The following GRIK2 variants were observed in gnomAD, a reference collection of about 807,000 sequenced individuals.
GRIK2 encodes glutamate receptor ionotropic, kainate 2.
In GRIK2, 32 loss-of-function variants were observed where a neutral mutation model predicts 100.3. That is an observed-to-expected ratio of 0.32 (90% CI 0.24 to 0.43). GRIK2 has a LOEUF of 0.43. GRIK2 is among the 20% of genes least tolerant of loss of function. The pLI is 1.00. For missense variants in GRIK2, 843 were observed against 1,114.9 expected (o/e 0.76, Z 3.47); for synonymous variants, 417 against 389.4 (o/e 1.07, Z -0.83).
chr6:102,055,282 G>A (rs768102486), intron 15 of GRIK2, 48 bp from the exon 16 acceptor site: 1 of 1,452,792 alleles, frequency 6.9e-7, no homozygotes, highest in East Asian at 2.3e-5. Context: ...CTTTAATTAT[G>A]AAATTTCAGG....
intron 4 of GRIK2, among the ~76,000 whole-genome samples, chr6:101,671,341 C>T (rs2128337982): frequency 6.6e-6 from 1 of 152,076 alleles, no homozygotes; most frequent in African/African-American, 2.4e-5. Flanking sequence ...AGTAAACTAC[C>T]TCTTCACATA....
intron 11 of GRIK2, among the ~76,000 whole-genome samples, chr6:101,883,242 G>GA (rs1001096447): frequency 3.4e-5 from 5 of 148,642 alleles, no homozygotes; most frequent in Non-Finnish European, 7.4e-5. Context: ...GTATTTGGGT[G>GA]AAAAAAAATC....
chr6:102,042,313 A>G (rs1054658568), intron 15 of GRIK2, among the ~76,000 whole-genome samples: 1 of 151,694 alleles, frequency 6.6e-6, no homozygotes, highest in Non-Finnish European at 1.5e-5. Flanking sequence ...CAAGAATTTC[A>G]TTACTCTTTC....
chr6:101,742,046 G>A (rs1776060815), intron 7 of GRIK2, among the ~76,000 whole-genome samples: 1 of 152,226 alleles, frequency 6.6e-6, no homozygotes, highest in South Asian at 2.1e-4. Flanking sequence ...AGTGGTAACA[G>A]CCTCTCTTTA....
intron 7 of GRIK2, among the ~76,000 whole-genome samples, chr6:101,745,388 G>T (rs62419270): frequency 6.6e-6 from 1 of 152,116 alleles, no homozygotes; most frequent in Non-Finnish European, 1.5e-5. Context: ...ATAGAAAACA[G>T]CTGAGCATGA....
intron 4 of GRIK2, among the ~76,000 whole-genome samples, chr6:101,658,669 AC>A (rs1769380683): frequency 6.6e-6 from 1 of 152,148 alleles, no homozygotes; most frequent in East Asian, 1.9e-4. Flanking sequence ...GCTATTTCCC[AC>A]ATCCTCTCCA....
intron 4 of GRIK2, among the ~76,000 whole-genome samples, chr6:101,675,815 A>G (rs936675789): frequency 6.6e-6 from 1 of 152,208 alleles, no homozygotes; most frequent in East Asian, 1.9e-4. Flanking sequence ...ACTAGAAAAC[A>G]ATACAAAAAT....
chr6:101,792,226 A>G (rs1779923643), intron 7 of GRIK2, among the ~76,000 whole-genome samples: 1 of 150,874 alleles, frequency 6.6e-6, no homozygotes, highest in Non-Finnish European at 1.5e-5. Flanking sequence ...TAATATTGTT[A>G]TGTGTGAATT....
chr6:101,703,488 G>A (rs990890910), intron 7 of GRIK2, among the ~76,000 whole-genome samples: 2 of 151,764 alleles, frequency 1.3e-5, no homozygotes, highest in African/African-American at 2.4e-5. Context: ...CATTGTTAGC[G>A]ACCTCAATAC....
intron 4 of GRIK2, among the ~76,000 whole-genome samples, chr6:101,640,638 T>C (rs1473198447): frequency 1.3e-5 from 2 of 152,124 alleles, no homozygotes; most frequent in Non-Finnish European, 1.5e-5. Context: ...CAAGTTGTCG[T>C]TGAATTTCCA....
rs971909871 is a variant in GRIK2, at chr6:101,950,288, C to G, written c.2085+21656C>G. Among the ~76,000 whole-genome samples, 90 of 151,972 alleles carry G rather than the reference C, an allele frequency of 5.9e-4. 1 individual carries two copies. The highest frequency in any genetic ancestry group is 2.1e-3 in the African/African-American group (87 of 41,460). On this transcript the variant is annotated intron_variant, in intron 14 of 16. Transcript: ENST00000369134. ...ATACTCCTTTTCTTGTTTTTTGGAC[C>G]AATTTTTATAGCTTTATGTTTATCT...
At chr6:101,402,151 G>C (rs892575463) in intron 2 of GRIK2, among the ~76,000 whole-genome samples, 2 of 152,002 alleles carry the variant, frequency 1.3e-5, no homozygotes, top group Non-Finnish European at 2.9e-5. Flanking sequence ...CCCTTGCCAC[G>C]TCCCTCGCCT....
intron 2 of GRIK2, among the ~76,000 whole-genome samples, chr6:101,453,899 T>C (rs1440954734): frequency 6.6e-6 from 1 of 152,100 alleles, no homozygotes; most frequent in Non-Finnish European, 1.5e-5. Context: ...ATATAAAACA[T>C]GCTCTTAATT....
intron 15 of GRIK2, among the ~76,000 whole-genome samples, chr6:102,050,250 GGAAAGAAAGGAA>G (rs1287129053): frequency 6.6e-6 from 1 of 150,826 alleles, no homozygotes; most frequent in Non-Finnish European, 1.5e-5. Flanking sequence ...ATGATAGAGA[GGAAAGAAAGGAA>G]GAAGGAAAAA....
intron 12 of GRIK2, among the ~76,000 whole-genome samples, chr6:101,921,634 G>A (rs1789526888): frequency 6.6e-6 from 1 of 152,070 alleles, no homozygotes; most frequent in Admixed American, 6.6e-5. Context: ...TCACGTTAAT[G>A]TGAGAGAGAT....
intron 2 of GRIK2, among the ~76,000 whole-genome samples, chr6:101,509,520 C>T (rs577624108): frequency 6.6e-6 from 1 of 152,286 alleles, no homozygotes; most frequent in South Asian, 2.1e-4. Flanking sequence ...ATCTTCTTAT[C>T]CTGAATTGAA....
In GRIK2 at chr6:101,803,981, T is replaced by A. The variant is rs1250430293; in HGVS notation, c.1203+1543T>A. 5.3e-5 allele frequency among the ~76,000 whole-genome samples: 8 copies of A among 152,044 alleles called. No individual in the cohort carries two copies. The East Asian group carries it at 1.4e-3, about 26-fold the overall frequency. On this transcript the variant is annotated intron_variant, in intron 9 of 16. Coordinates refer to ENST00000369134, the MANE Select transcript of GRIK2 (RefSeq NM_021956.5). ...TTTTCTAAAATCTGAAAATTCATTT[T>A]GCTGAATTAATTATGTTCAGTCCTT...
intron 14 of GRIK2, among the ~76,000 whole-genome samples, chr6:102,014,557 T>C (rs1188106550): frequency 6.6e-6 from 1 of 152,248 alleles, no homozygotes; most frequent in East Asian, 1.9e-4. Flanking sequence ...GAGTTCTTTC[T>C]AACATTTTGA....
At chr6:101,814,000 G>T (rs563493227) in intron 9 of GRIK2, among the ~76,000 whole-genome samples, 1 of 151,904 alleles carries the variant, frequency 6.6e-6, no homozygotes, top group South Asian at 2.1e-4. Flanking sequence ...CTGTGAATCA[G>T]TATGTGTGGC....
Sources: gnomAD v4.1 joint callset for allele counts (sites outside exome capture counted in the v4.1 genomes callset) on GRCh38, gnomAD v4.1.1 for gene constraint, MANE v1.5 for transcripts, NCBI Gene and HGNC (gene_info 2026-07-23, HGNC 2026-07-21) for gene names.